Variants in COL5A3 observed in about 807,000 individuals in gnomAD.
COL5A3 encodes the protein collagen type V alpha 3 chain.
Under a neutral mutation model 250.0 loss-of-function variants are expected in COL5A3, and 172 were observed. The ratio of observed to expected loss-of-function variants is 0.69; its 90% CI spans 0.61 to 0.78. The LOEUF is 0.78. COL5A3 is among the 30% of genes least tolerant of loss of function. The probability of loss-of-function intolerance (pLI) is 0.00; values close to 1 mark genes in which losing one functional copy is unlikely to be tolerated. For missense variants in COL5A3, 2,340 were observed against 2,334.4 expected (o/e 1.00, Z -0.05); for synonymous variants, 937 against 900.4 (o/e 1.04, Z -0.73).
chr19:9,990,214 T>C (rs2087165729), intron 24 of COL5A3, among the ~76,000 whole-genome samples: 1 of 151,572 alleles, frequency 6.6e-6, no homozygotes, highest in African/African-American at 2.4e-5. Flanking sequence ...GCCAACATAG[T>C]GAAACCCCGT....
At position 9,977,407 on chromosome 19, in the gene COL5A3, T is replaced by C; in HGVS notation, c.3192A>G (p.Gly1064=). The C allele has an allele frequency of 6.5e-7, 1 of 1,545,454 alleles. No homozygotes were observed. The highest frequency in any genetic ancestry group is 8.7e-7 in the Non-Finnish European group (1 of 1,146,302). ...CAGAAGGCCCAGCAGCTCCAGGGGG[T>C]CCCAGAGGCCCCAGGGGCCCTGGGA... ...DGIPGPLGPL[G]PPGAAGPSGE... is the part of the protein sequence containing the mutation. The change falls in exon 43 of 67, where the codon GGA becomes GGG. Residue 1064 remains glycine (G), a synonymous_variant. Coordinates refer to ENST00000264828, the MANE Select transcript of COL5A3 (RefSeq NM_015719.4).
intron 9 of COL5A3, 38 bp downstream of exon 9, chr19:9,998,064 T>G: frequency 6.2e-7 from 1 of 1,614,024 alleles, no homozygotes; most frequent in Non-Finnish European, 8.5e-7. Context: ...GCTGTCATCA[T>G]GAAGCCTCTC....
chr19:9,983,671 G>T (rs1916201538), intron 31 of COL5A3, among the ~76,000 whole-genome samples: 1 of 126,974 alleles, frequency 7.9e-6, no homozygotes, highest in South Asian at 2.6e-4. Context: ...AAGAAAGAAA[G>T]AAAAAAGAAG....
chr19:9,993,631 C>T lies in COL5A3; in HGVS notation c.1683G>A (p.Glu561=), dbSNP rs746715571. The T allele has an allele frequency of 1.2e-6, 2 of 1,614,082 alleles. No homozygotes were observed. The highest frequency in any genetic ancestry group is 1.7e-6 in the Non-Finnish European group (2 of 1,180,008). The change falls in exon 18 of 67, where the codon GAG becomes GAA. Residue 561 remains glutamate (E), a synonymous_variant. Coordinates refer to ENST00000264828, the MANE Select transcript of COL5A3 (RefSeq NM_015719.4). Reference sequence around the variant, plus strand: ...CTCACACACTCACCCTTTGGCCCTTCTCACCAGGCAGCCCAGGGAGGCCAT... The same window carrying T: ...CTCACACACTCACCCTTTGGCCCTTTTCACCAGGCAGCCCAGGGAGGCCAT... ...GFDGLPGLPG[E]KGQRGDFGHV...
In COL5A3 at chr19:9,960,505, C is replaced by T. The variant is rs369809476; in HGVS notation, c.5144G>A (p.Gly1715Glu). Residue 1715 changes from glycine to glutamate, a missense_variant, in exon 67 of 67, where the codon GGA (glycine) becomes GAA (glutamate). Gly to Glu is a moderately conservative substitution (Grantham distance 98, BLOSUM62 -2). Transcript: ENST00000264828. Reference sequence around the variant, plus strand: ...CGCCACATCCCACAGGGGCAGAAATCCCGCTCGAGAAGAGCTGAATTCGAA... The same window carrying T: ...CGCCACATCCCACAGGGGCAGAAATTCCGCTCGAGAAGAGCTGAATTCGAA... ...TLFEFSSSRA[G>E]FLPLWDVAAT... is the part of the protein sequence containing the mutation. 22 of 1,614,068 alleles carry T rather than the reference C, an allele frequency of 1.4e-5. No individual in the cohort carries two copies. The highest frequency in any genetic ancestry group is 1.8e-5 in the Non-Finnish European group (21 of 1,180,056).
At chr19:9,963,552 T>TG (rs200628882) in intron 64 of COL5A3, among the ~76,000 whole-genome samples, 2,045 of 64,684 alleles carry the variant, frequency 0.032, 36 homozygotes, top group East Asian at 0.19. Flanking sequence ...CCACCATGCC[T>TG]GTTTTTTTTG....
chr19:9,978,928 C>T lies in COL5A3; in HGVS notation c.2927G>A (p.Arg976Lys). The T allele has an allele frequency of 6.6e-7, 1 of 1,519,968 alleles. No homozygotes were observed. Among genetic ancestry groups the T allele is most frequent in the Non-Finnish European group, 8.8e-7 (1 of 1,136,916 alleles). 94.2% of individuals were successfully genotyped at this position (1,519,968 alleles called of 1,614,324 possible). The change falls in exon 40 of 67, where the codon AGG (arginine) becomes AAG (lysine). Residue 976 changes from arginine to lysine, a missense_variant. Transcript: ENST00000264828. ...PLGKEGPAGL[R>K]GFPGPKGGPG... is the part of the protein sequence containing the mutation. Reference sequence around the variant, plus strand: ...GCCCCCTTTGGGGCCGGGAAAGCCCCTGAGTCCAGCTGGCCCTTCTTTCCC... The same window carrying T: ...GCCCCCTTTGGGGCCGGGAAAGCCCTTGAGTCCAGCTGGCCCTTCTTTCCC...
intron 24 of COL5A3, among the ~76,000 whole-genome samples, chr19:9,991,070 A>G (rs2087182005): frequency 6.6e-6 from 1 of 152,150 alleles, no homozygotes; most frequent in Non-Finnish European, 1.5e-5. Flanking sequence ...ACAAAAAAAG[A>G]AAATAAGAAA....
intron 1 of COL5A3, 135 bp from the exon 2 acceptor site, chr19:10,006,366 A>C: frequency 1.3e-5 from 11 of 864,956 alleles, no homozygotes; most frequent in Non-Finnish European, 1.9e-5. Context: ...TTTGTGGCTC[A>C]GGAAGAAGGA....
At position 9,986,744 on chromosome 19, in the gene COL5A3, G is replaced by A. The variant is rs747242921; in HGVS notation, c.2160C>T (p.Asn720=). ...CGCCTTTCTCCCCCTGGAGGCCCCG[G>A]TTGCCTGAAGTGCCCTGGAAAATAA... ...GPRGVKGTSG[N]RGLQGEKGEK... is the part of the protein sequence containing the mutation. Residue 720 remains asparagine, a synonymous_variant, in exon 28 of 67, where the codon AAC becomes AAT. Coordinates refer to ENST00000264828, the MANE Select transcript of COL5A3 (RefSeq NM_015719.4). 6.2e-7 allele frequency: 1 copy of A among 1,609,550 alleles called. No homozygotes were observed. Among genetic ancestry groups the A allele is most frequent in the African/African-American group, 1.4e-5 (1 of 72,218 alleles).
Position 9,970,668 on chromosome 19 carries a change from G to A in COL5A3, c.3890C>T (p.Pro1297Leu). ...GGCGCCGGGCTCCCCAGAAGCTCCA[G>A]GCGGACCCTGGAGGAGACAAGGACA... is the stretch of plus-strand genomic sequence containing the variant. ...DPGDVGGPGP[P>L]GASGEPGAPG... The change falls in exon 54 of 67, where the codon CCT becomes CTT. Residue 1297 changes from proline to leucine, a missense_variant. By Grantham distance (98) the Pro-to-Leu change is moderately conservative. This residue lies in a region of COL5A3 where 1,179 missense variants were observed against 1,162.6 expected (regional missense o/e 1.01). Transcript: ENST00000264828. 1 of 1,443,340 alleles carries A rather than the reference G, an allele frequency of 6.9e-7. No individual in the cohort carries two copies. Among genetic ancestry groups the A allele is most frequent in the South Asian group, 1.6e-5 (1 of 63,222 alleles). The allele number at this position is 1,443,340 out of a possible 1,614,324, so 89.4% of individuals were successfully genotyped here.
intron 62 of COL5A3, 46 bp from the exon 63 acceptor site, chr19:9,966,792 G>T: frequency 7.2e-7 from 1 of 1,390,466 alleles, no homozygotes. Context: ...AGATGGGGGA[G>T]GGAGAGAGAG....
chr19:9,971,127 G>A lies in COL5A3; in HGVS notation c.3828+78C>T. 5 of 1,403,660 alleles carry A rather than the reference G, an allele frequency of 3.6e-6. No homozygotes were observed. In the South Asian group the frequency reaches 7.0e-5, roughly 20 times the overall value. The allele number at this position is 1,403,660 out of a possible 1,614,324, so 87.0% of individuals were successfully genotyped here. ...AAGAACGTTTTTGGTTCCACTGTCA[G>A]TGCCCAGGTCTGTGGGGGTAGGGAG... is the stretch of plus-strand genomic sequence containing the variant. On this transcript the variant is annotated intron_variant, in intron 52 of 66. Transcript: ENST00000264828.
chr19:9,968,911 C>G lies in COL5A3; in HGVS notation c.4153-183G>C. On this transcript the variant is annotated intron_variant, in intron 57 of 66. Transcript: ENST00000264828. This position sits in a 1 kb window ranked among gnomAD's most constrained non-coding sequence, Gnocchi z 4.1. The stretch of plus-strand genomic sequence containing the variant: ...ATGATGAGAGCTAATGAGGGGTTGA[C>G]TGGAGGATGGACAACGTGAGTGGTC... 1 of 654,376 alleles carries G rather than the reference C, an allele frequency of 1.5e-6. No individual in the cohort carries two copies. Among genetic ancestry groups the G allele is most frequent in the South Asian group, 1.7e-5 (1 of 57,276 alleles). The allele number at this position is 654,376 out of a possible 1,614,324, so 40.5% of individuals were successfully genotyped here. A position where few individuals can be genotyped will look rare whatever the true frequency, so the allele number is the denominator to read the frequency against.
At chr19:9,976,260 C>A (rs1255147774) in intron 45 of COL5A3, among the ~76,000 whole-genome samples, 1 of 141,642 alleles carries the variant, frequency 7.1e-6, no homozygotes, top group Admixed American at 7.2e-5. Flanking sequence ...GGGTTGACTC[C>A]GAATTTGGGA....
At chr19:9,995,420 ACACT>A (rs554077784) in intron 16 of COL5A3, 140 bp downstream of exon 16, 275 of 589,600 alleles carry the variant, frequency 4.7e-4, no homozygotes, top group Middle Eastern at 8.1e-4. Context: ...CCTTTGACAC[ACACT>A]CAGTGGAGCT....
chr19:9,973,968 G>C lies in COL5A3; in HGVS notation c.3509C>G (p.Pro1170Arg). 6.5e-7 allele frequency: 1 copy of C among 1,536,438 alleles called. No homozygotes were observed. The highest frequency in any genetic ancestry group is 8.8e-7 in the Non-Finnish European group (1 of 1,142,336). Residue 1170 changes from proline to arginine, a missense_variant, in exon 48 of 67, where the codon CCC (proline) becomes CGC (arginine). Coordinates refer to ENST00000264828, the MANE Select transcript of COL5A3 (RefSeq NM_015719.4). ...ACCCCGAGGACCTGGAGCTCCATGG[G>C]GACCCTGTGGAAGGTCAGAATTAGT... ...GEVGDVGSMG[P>R]HGAPGPRGPQ...
chr19:9,965,156 C>CTTTTTTTT (rs771519552), intron 64 of COL5A3, among the ~76,000 whole-genome samples: 21 of 100,306 alleles, frequency 2.1e-4, no homozygotes, highest in East Asian at 5.3e-4. Context: ...TTTTCTTTTT[C>CTTTTTTTT]TTTTTTTTTT....
At chr19:9,973,068 C>T (rs755108962) in intron 50 of COL5A3, 42 bp from the exon 51 acceptor site, 2 of 1,523,952 alleles carry the variant, frequency 1.3e-6, no homozygotes, top group Non-Finnish European at 1.8e-6. Flanking sequence ...CCTGGACTCT[C>T]CAGGGATCAA....
Sources: allele counts gnomAD v4.1 joint callset (sites outside exome capture counted in the v4.1 genomes callset), GRCh38; gene constraint gnomAD v4.1.1; regional missense constraint gnomAD v4.1.1; non-coding constraint Gnocchi (gnomAD v3.1); transcripts MANE v1.5; gene names NCBI Gene and HGNC (gene_info 2026-07-23, HGNC 2026-07-21).